The following SLC35F4 variants were observed in gnomAD, a reference collection of about 807,000 sequenced individuals.
SLC35F4 encodes solute carrier family 35 member F4, also known as chromosome 14 open reading frame 36.
A neutral mutation model predicts 44.2 loss-of-function variants in SLC35F4; 24 were observed. That is an observed-to-expected ratio of 0.54 (90% confidence interval 0.39 to 0.76). SLC35F4 has a LOEUF of 0.76. Ranked by LOEUF, SLC35F4 falls within the 30% of genes least tolerant of loss-of-function variation. The pLI is 0.00. For synonymous variants in SLC35F4, 238 were observed against 223.6 expected (o/e 1.06, Z -0.57); for missense variants, 562 against 586.1 (o/e 0.96, Z 0.42).
upstream of SLC35F4, among the ~76,000 whole-genome samples, chr14:57,866,938 T>C (rs2141024105): frequency 6.8e-6 from 1 of 147,678 alleles, no homozygotes; most frequent in South Asian, 2.2e-4. Context: ...GTTCATAGTC[T>C]GCAGACACAG....
chr14:57,803,582 C>CTTTTTTTTTTTTTTTTTTTTTTTTTT (rs532690276), intron 1 of SLC35F4, among the ~76,000 whole-genome samples: 1 of 79,458 alleles, frequency 1.3e-5, no homozygotes, highest in Non-Finnish European at 2.3e-5. Context: ...AAAGCTTCTT[C>CTTTTTTTTTTTTTTTTTTTTTTTTTT]TTTTTTTTTT....
intron 1 of SLC35F4, among the ~76,000 whole-genome samples, chr14:57,781,151 A>G (rs2077611047): frequency 6.6e-6 from 1 of 152,020 alleles, no homozygotes; most frequent in Admixed American, 6.6e-5. Context: ...TGGGAGAAAT[A>G]TTTGCAAGCA....
chr14:57,829,852 C>A (rs921756426), intron 1 of SLC35F4, among the ~76,000 whole-genome samples: 1 of 152,118 alleles, frequency 6.6e-6, no homozygotes, highest in African/African-American at 2.4e-5. Flanking sequence ...ATTTGAGAAT[C>A]TCCAGATAGG....
downstream of SLC35F4, among the ~76,000 whole-genome samples, chr14:57,975,054 T>G (rs1198845898): frequency 6.6e-6 from 1 of 152,242 alleles, no homozygotes; most frequent in African/African-American, 2.4e-5. Flanking sequence ...AACTTTCAGC[T>G]AATGTATTCT....
At chr14:57,566,667 A>G (rs1173682920) in intron 6 of SLC35F4, 103 bp from the exon 7 acceptor site, 14 of 1,129,600 alleles carry the variant, frequency 1.2e-5, no homozygotes, top group African/African-American at 3.1e-5. Flanking sequence ...TGTGCCTTTT[A>G]AACTGTCTAT....
At chr14:57,714,294 GC>G (rs1187223441) in intron 1 of SLC35F4, among the ~76,000 whole-genome samples, 3 of 152,034 alleles carry the variant, frequency 2.0e-5, no homozygotes, top group Non-Finnish European at 4.4e-5. Context: ...GGAGAGTTTT[GC>G]CTCAAAACAT....
intron 1 of SLC35F4, among the ~76,000 whole-genome samples, chr14:57,656,218 T>C (rs973041797): frequency 1.3e-5 from 2 of 151,930 alleles, no homozygotes; most frequent in African/African-American, 4.8e-5. Context: ...TGTGTGTACA[T>C]ATCTACCAAA....
At chr14:57,830,676 A>G (rs1884274785) in intron 1 of SLC35F4, among the ~76,000 whole-genome samples, 1 of 152,126 alleles carries the variant, frequency 6.6e-6, no homozygotes, top group African/African-American at 2.4e-5. Flanking sequence ...CAGACCACCT[A>G]CCTTCAATGG....
intron 1 of SLC35F4, among the ~76,000 whole-genome samples, chr14:57,908,450 A>G (rs1889151928): frequency 1.3e-5 from 2 of 152,188 alleles, no homozygotes; most frequent in Admixed American, 1.3e-4. Flanking sequence ...CCTTGCCAGC[A>G]TCTATTGTTT....
intron 3 of SLC35F4, among the ~76,000 whole-genome samples, chr14:57,583,708 G>A (rs1410972111): frequency 6.6e-6 from 1 of 151,990 alleles, no homozygotes; most frequent in African/African-American, 2.4e-5. Flanking sequence ...TCTCACTGCC[G>A]ACCTTCTCCC....
chr14:57,972,199 C>T (rs1404452586), downstream of SLC35F4, among the ~76,000 whole-genome samples: 3 of 152,124 alleles, frequency 2.0e-5, no homozygotes, highest in Non-Finnish European at 2.9e-5. Context: ...CAGGCCATGG[C>T]GCCTTGTAGA....
At chr14:57,803,596 T>C (rs1251140599) in intron 1 of SLC35F4, among the ~76,000 whole-genome samples, 2 of 144,300 alleles carry the variant, frequency 1.4e-5, no homozygotes, top group Non-Finnish European at 3.1e-5. Flanking sequence ...TTTTTTTTTT[T>C]TTTTTTTTTT....
At chr14:57,914,422 G>A (rs935933516) in intron 1 of SLC35F4, among the ~76,000 whole-genome samples, 1 of 152,154 alleles carries the variant, frequency 6.6e-6, no homozygotes, top group East Asian at 1.9e-4. Context: ...AATAAGCCGG[G>A]CATGGTGGCG....
chr14:57,926,052 G>C (rs1373599655), intron 1 of SLC35F4, among the ~76,000 whole-genome samples: 1 of 152,124 alleles, frequency 6.6e-6, no homozygotes, highest in Non-Finnish European at 1.5e-5. Context: ...TTATGTATCA[G>C]TTCCCGTATG....
chr14:57,954,378 G>A (rs1011998689), intron 1 of SLC35F4, among the ~76,000 whole-genome samples: 1 of 152,060 alleles, frequency 6.6e-6, no homozygotes, highest in African/African-American at 2.4e-5. Context: ...AGAAGCAAGA[G>A]CAAACAAATT....
chr14:57,958,095 G>A (rs1054095690), intron 1 of SLC35F4, among the ~76,000 whole-genome samples: 17 of 150,570 alleles, frequency 1.1e-4, no homozygotes, highest in Non-Finnish European at 1.0e-4. Context: ...TTGCTCTGTC[G>A]CCCAGGCTGC....
chr14:57,798,893 GAAGAT>G (rs1370416685), intron 1 of SLC35F4, among the ~76,000 whole-genome samples: 3 of 152,170 alleles, frequency 2.0e-5, no homozygotes, highest in African/African-American at 4.8e-5. Context: ...ATGAAGCAGA[GAAGAT>G]AAGCTCCAAA....
chr14:57,669,966 T>C (rs375891443), intron 1 of SLC35F4, among the ~76,000 whole-genome samples: 2 of 152,056 alleles, frequency 1.3e-5, no homozygotes, highest in East Asian at 1.9e-4. Flanking sequence ...GTCCTGGACT[T>C]TTTTTGGTTG....
chr14:57,651,158 T>C lies in SLC35F4; in HGVS notation c.104-57034A>G, dbSNP rs74929653. On this transcript the variant is annotated intron_variant, in intron 1 of 7. Transcript: ENST00000556826. ...CATGGAGACAGAGAGCTTGTCAGTC[T>C]TGTTCACTACTAGATTGGGACCTAA... Among the ~76,000 whole-genome samples, 842 of 152,316 alleles carry C rather than the reference T, an allele frequency of 5.5e-3. 6 individuals are homozygous for C. The highest frequency in any genetic ancestry group is 0.019 in the African/African-American group (795 of 41,570).
Sources: gnomAD v4.1 joint callset for allele counts (sites outside exome capture counted in the v4.1 genomes callset) on GRCh38, gnomAD v4.1.1 for gene constraint, MANE v1.5 for transcripts, NCBI Gene and HGNC (gene_info 2026-07-23, HGNC 2026-07-21) for gene names.